The following CPVL variants were observed in gnomAD, a reference collection of about 807,000 sequenced individuals.
CPVL encodes the protein probable serine carboxypeptidase CPVL.
A neutral mutation model predicts 63.7 loss-of-function variants in CPVL; 51 were observed. The ratio of observed to expected loss-of-function variants is 0.80; its 90% CI spans 0.64 to 1.01. CPVL has a LOEUF of 1.01. Ranked by LOEUF, CPVL falls within the 50% of genes least tolerant of loss-of-function variation. The pLI, the probability that CPVL is intolerant of heterozygous loss-of-function variation, is 0.00. For synonymous variants in CPVL, 195 were observed against 206.0 expected (o/e 0.95, Z 0.46); for missense variants, 530 against 573.1 (o/e 0.92, Z 0.77).
At chr7:29,157,942 C>A (rs80008984) in intron 5 of CPVL, among the ~76,000 whole-genome samples, 2 of 152,128 alleles carry the variant, frequency 1.3e-5, no homozygotes, top group Admixed American at 6.5e-5. Context: ...TACTGTTTCT[C>A]ATTTGTGATT....
Position 29,008,009 on chromosome 7 carries a change from C to T in CPVL, c.1321-12127G>A, listed in dbSNP as rs149935136. Among the ~76,000 whole-genome samples the T allele has an allele frequency of 2.8e-3, 419 of 152,078 alleles. 1 individual carries two copies. Among genetic ancestry groups the T allele is most frequent in the African/African-American group, 9.6e-3 (399 of 41,484 alleles). On this transcript the variant is annotated intron_variant, in intron 12 of 12. Coordinates refer to ENST00000265394, the MANE Select transcript of CPVL (RefSeq NM_031311.5). Reference sequence around the variant, plus strand: ...TGTAGTACATACAATAGGAGATGTACGTAGATGGAGAGAGTTGCCAAGAAG... The same window carrying T: ...TGTAGTACATACAATAGGAGATGTATGTAGATGGAGAGAGTTGCCAAGAAG...
chr7:29,038,715 A>G (rs1358374895), intron 11 of CPVL, among the ~76,000 whole-genome samples: 1 of 152,230 alleles, frequency 6.6e-6, no homozygotes, highest in Non-Finnish European at 1.5e-5. Flanking sequence ...AGAGAAAAAT[A>G]TTCTCTGTAT....
At chr7:28,999,825 C>G (rs1784441445) in intron 12 of CPVL, among the ~76,000 whole-genome samples, 1 of 152,174 alleles carries the variant, frequency 6.6e-6, no homozygotes, top group Admixed American at 6.5e-5. Context: ...TAAGCAGATT[C>G]ACATACAGCA....
chr7:29,012,239 T>C (rs950033319), intron 12 of CPVL: 8 of 152,206 alleles, frequency 5.3e-5, no homozygotes, highest in Non-Finnish European at 1.0e-4. Context: ...AAAAATTCAC[T>C]GTGGCTAGTG....
intron 3 of CPVL, among the ~76,000 whole-genome samples, chr7:29,185,206 G>T (rs540025246): frequency 6.6e-6 from 1 of 152,134 alleles, no homozygotes; most frequent in African/African-American, 2.4e-5. Flanking sequence ...AGAAATGATA[G>T]AGTAGATTTG....
intron 12 of CPVL, among the ~76,000 whole-genome samples, chr7:29,017,077 T>C (rs1365082569): frequency 1.3e-5 from 2 of 152,162 alleles, no homozygotes; most frequent in Admixed American, 1.3e-4. Flanking sequence ...ACTCCTTGTC[T>C]ACTATCCAGG....
chr7:29,049,118 A>G (rs771874428), intron 11 of CPVL, among the ~76,000 whole-genome samples: 10 of 152,046 alleles, frequency 6.6e-5, no homozygotes, highest in Non-Finnish European at 1.2e-4. Flanking sequence ...TAGAGAAACA[A>G]GAACAAACCA....
At chr7:28,995,947 T>G (rs1784013564) in intron 12 of CPVL, 65 bp from the exon 13 acceptor site, 1 of 919,002 alleles carries the variant, frequency 1.1e-6, no homozygotes, top group African/African-American at 1.7e-5. Flanking sequence ...CATGGAAAGT[T>G]TTCATTCAGA....
At chr7:29,108,623 GTAATC>G (rs1010528543) in intron 3 of CPVL, among the ~76,000 whole-genome samples, 5 of 152,112 alleles carry the variant, frequency 3.3e-5, no homozygotes, top group Non-Finnish European at 5.9e-5. Context: ...CATAATAATC[GTAATC>G]ATAATGAAAT....
At chr7:29,142,553 G>T (rs1676243063) in intron 1 of CPVL, among the ~76,000 whole-genome samples, 1 of 119,782 alleles carries the variant, frequency 8.3e-6, no homozygotes, top group Non-Finnish European at 1.6e-5. Flanking sequence ...TTGAGACACA[G>T]TCTTGCTCTG....
intron 5 of CPVL, among the ~76,000 whole-genome samples, chr7:29,175,725 T>C (rs1180962683): frequency 6.6e-6 from 1 of 151,738 alleles, no homozygotes; most frequent in Non-Finnish European, 1.5e-5. Flanking sequence ...TAGTAGAAGA[T>C]AAGTTACCCA....
intron 5 of CPVL, among the ~76,000 whole-genome samples, chr7:29,172,182 C>T (rs148905168): frequency 7.2e-5 from 11 of 152,240 alleles, no homozygotes; most frequent in African/African-American, 2.6e-4. Flanking sequence ...ATGATTCAGT[C>T]CTTTAATGGG....
chr7:29,128,659 G>C (rs1236868695), intron 1 of CPVL, among the ~76,000 whole-genome samples: 1 of 149,778 alleles, frequency 6.7e-6, no homozygotes, highest in Non-Finnish European at 1.5e-5. Flanking sequence ...GAGGTTGCAT[G>C]AGCTGAGATT....
Position 29,146,493 on chromosome 7 carries a change from GC to G in CPVL, c.-76del. 3 of 1,456,238 alleles carry G rather than the reference GC, an allele frequency of 2.1e-6. No homozygotes were observed. In the South Asian group the frequency reaches 4.5e-5, roughly 22 times the overall value. 90.2% of individuals were successfully genotyped at this position (1,456,238 alleles called of 1,614,324 possible). On this transcript the variant is annotated 5_prime_UTR_variant, in exon 1 of 13. Coordinates refer to ENST00000265394, the MANE Select transcript of CPVL (RefSeq NM_031311.5). The stretch of plus-strand genomic sequence containing the variant: ...AGGACCCCAGCCGGTTGTCCTTGCA[GC>G]GCTTCCCAAATCAGGCAGAAGTGAG...
At chr7:29,116,142 T>A (rs1426364449) in intron 2 of CPVL, among the ~76,000 whole-genome samples, 1 of 152,198 alleles carries the variant, frequency 6.6e-6, no homozygotes, top group Non-Finnish European at 1.5e-5. Context: ...AATAAATGAA[T>A]GAACTAAAAC....
intron 12 of CPVL, chr7:29,011,690 C>A (rs926150708): frequency 1.3e-5 from 2 of 148,480 alleles, no homozygotes; most frequent in African/African-American, 5.0e-5. Flanking sequence ...AAATGAAACA[C>A]TCCACTGAAA....
Position 28,995,769 on chromosome 7 carries a change from A to G in CPVL, c.*3T>C. 2 of 1,525,378 alleles carry G rather than the reference A, an allele frequency of 1.3e-6. No homozygotes were observed. The highest frequency in any genetic ancestry group is 1.8e-5 in the Admixed American group (1 of 54,942). 94.5% of individuals were successfully genotyped at this position (1,525,378 alleles called of 1,614,324 possible). A position where few individuals can be genotyped will look rare whatever the true frequency, so the allele number is the denominator to read the frequency against. ...CTCTGATGTTCTCTTTTGGGAAGGT[A>G]GTTTATCCAACATAAGGATCCCATC... On this transcript the variant is annotated 3_prime_UTR_variant, in exon 13 of 13. Transcript: ENST00000265394.
chr7:29,048,613 C>T (rs1789849242), intron 11 of CPVL, among the ~76,000 whole-genome samples: 1 of 152,080 alleles, frequency 6.6e-6, no homozygotes. Flanking sequence ...ACTGACAGCA[C>T]TAGACAGGTC....
intron 12 of CPVL, among the ~76,000 whole-genome samples, chr7:29,013,735 T>C (rs1324997513): frequency 6.6e-6 from 1 of 152,246 alleles, no homozygotes; most frequent in African/African-American, 2.4e-5. Flanking sequence ...AGGATGTACT[T>C]GCTGCTCCAC....
Sources: allele counts gnomAD v4.1 joint callset (sites outside exome capture counted in the v4.1 genomes callset), GRCh38; gene constraint gnomAD v4.1.1; transcripts MANE v1.5; gene names NCBI Gene and HGNC (gene_info 2026-07-23, HGNC 2026-07-21).